The following NUP210 variants were observed in gnomAD, a reference collection of about 807,000 sequenced individuals.
NUP210 encodes the protein nuclear pore membrane glycoprotein 210.
In NUP210, 151 loss-of-function variants were observed where a neutral mutation model predicts 196.0. That is an observed-to-expected ratio of 0.77 (90% CI 0.67 to 0.88). The LOEUF is 0.88. Ranked by LOEUF, NUP210 falls within the 40% of genes least tolerant of loss-of-function variation. NUP210 has a pLI of 0.00. For missense variants in NUP210, 2,314 were observed against 2,493.7 expected, an observed-to-expected ratio of 0.93 and a Z score of 1.53; for synonymous variants, 1,070 against 1,052.7, an observed-to-expected ratio of 1.02 and a Z score of -0.32.
intron 13 of NUP210, among the ~76,000 whole-genome samples, chr3:13,369,772 T>C (rs748559204): frequency 1.3e-5 from 2 of 152,222 alleles, no homozygotes; most frequent in Non-Finnish European, 2.9e-5. Context: ...TGTAAGTCTG[T>C]CTATGCCAGC....
At chr3:13,339,724 G>T (rs916943919) in intron 25 of NUP210, 130 bp downstream of exon 25, 2 of 808,448 alleles carry the variant, frequency 2.5e-6, no homozygotes, top group East Asian at 5.1e-5. Flanking sequence ...GGCCCCTGCA[G>T]TGACTGCAGA....
intron 34 of NUP210, among the ~76,000 whole-genome samples, chr3:13,322,815 G>A (rs901580960): frequency 6.6e-6 from 1 of 152,220 alleles, no homozygotes; most frequent in African/African-American, 2.4e-5. Context: ...GGACGAGAAG[G>A]GCGGTGCTTC....
chr3:13,371,953 G>A lies in NUP210; in HGVS notation c.1667C>T (p.Pro556Leu). 2 of 1,604,656 alleles carry A rather than the reference G, an allele frequency of 1.2e-6. No individual in the cohort carries two copies. Among genetic ancestry groups the A allele is most frequent in the South Asian group, 1.1e-5 (1 of 89,262 alleles). The change falls in exon 13 of 40, where the codon CCC becomes CTC. Residue 556 changes from proline (P) to leucine (L), a missense_variant. By Grantham distance (98) the Pro-to-Leu change is moderately conservative. Transcript: ENST00000254508. ...EARVGQALEL[P>L]LRISGLMPGG... is the part of the protein sequence containing the mutation. ...GGGCATGAGGCCACTGATCCTCAGGGGCAGCTCCAGGGCCTGGCCCACACG... is the reference window on the plus strand; with the variant it reads ...GGGCATGAGGCCACTGATCCTCAGGAGCAGCTCCAGGGCCTGGCCCACACG...
chr3:13,379,892 C>G lies in NUP210; in HGVS notation c.818-171G>C, dbSNP rs1439669966. On this transcript the variant is annotated intron_variant, in intron 6 of 39. Coordinates refer to ENST00000254508, the MANE Select transcript of NUP210 (RefSeq NM_024923.4). The surrounding 1 kb of genome is among the most constrained non-coding windows in gnomAD (Gnocchi z 4.2). ...TTAAATGTTAATATTGTTCTGCATG[C>G]TGGTGGACAAAACTGACACTCCATG... Among the ~76,000 whole-genome samples the G allele has an allele frequency of 2.0e-5, 3 of 152,140 alleles. No individual in the cohort carries two copies. Among genetic ancestry groups the G allele is most frequent in the Non-Finnish European group, 4.4e-5 (3 of 68,028 alleles).
chr3:13,413,090 C>A (rs1576431401), intron 1 of NUP210, among the ~76,000 whole-genome samples: 1 of 152,070 alleles, frequency 6.6e-6, no homozygotes, highest in East Asian at 1.9e-4. Flanking sequence ...TATGGTGAAA[C>A]CCCGTCTCTA....
intron 32 of NUP210, 42 bp downstream of exon 32, chr3:13,327,175 G>A (rs372015943): frequency 2.8e-4 from 429 of 1,545,884 alleles, no homozygotes; most frequent in Middle Eastern, 8.5e-4. Flanking sequence ...CTTTGCAAGC[G>A]TCCGTGACTC....
chr3:13,350,991 C>A lies in NUP210; in HGVS notation c.2835+888G>T, dbSNP rs1046098622. Reference sequence around the variant, plus strand: ...GGGATTACAGGCATGAGCCACCGCACCCGGCCAGAAATTCTTAAATTGAAA... The same window carrying A: ...GGGATTACAGGCATGAGCCACCGCAACCGGCCAGAAATTCTTAAATTGAAA... On this transcript the variant is annotated intron_variant, in intron 20 of 39. Transcript: ENST00000254508. The surrounding 1 kb of genome is among the most constrained non-coding windows in gnomAD (Gnocchi z 4.1). Among the ~76,000 whole-genome samples, 1 of 152,108 alleles carries A rather than the reference C, an allele frequency of 6.6e-6. No individual in the cohort carries two copies. The highest frequency in any genetic ancestry group is 2.4e-5 in the African/African-American group (1 of 41,382).
At position 13,337,840 on chromosome 3, in the gene NUP210, G is replaced by A. The variant is rs946842347; in HGVS notation, c.3549C>T (p.Thr1183=). 4 of 1,609,838 alleles carry A rather than the reference G, an allele frequency of 2.5e-6. No homozygotes were observed. The highest frequency in any genetic ancestry group is 3.4e-6 in the Non-Finnish European group (4 of 1,179,132). The change falls in exon 26 of 40, where the codon ACC becomes ACT. Residue 1183 remains threonine (T), a synonymous_variant. Coordinates refer to ENST00000254508, the MANE Select transcript of NUP210 (RefSeq NM_024923.4). ...RAPIMRMRTG[T]QMPIYVTGIT... ...AGAGCCCAGGAGGTCCCCTCACCTGGGTGCCCGTCCTCATCCGCATGATGG... is the reference window on the plus strand; with the variant it reads ...AGAGCCCAGGAGGTCCCCTCACCTGAGTGCCCGTCCTCATCCGCATGATGG...
Position 13,339,952 on chromosome 3 carries a change from C to G in NUP210, c.3373G>C (p.Ala1125Pro). Residue 1125 changes from alanine to proline, a missense_variant, in exon 25 of 40, where the codon GCT becomes CCT. Physicochemically the swap from Ala to Pro is conservative, Grantham distance 27 (BLOSUM62 -1). Transcript: ENST00000254508. ...SNESVALVSA[A>P]GLVQGLAIGN... ...ATGGCGAGGCCCTGTACCAGCCCAG[C>G]AGCGCTCACCAGCGCAACGCTCTCA... 1 of 1,614,046 alleles carries G rather than the reference C, an allele frequency of 6.2e-7. No individual in the cohort carries two copies.
Position 13,340,199 on chromosome 3 carries a change from C to T in NUP210, c.3291+37G>A, listed in dbSNP as rs1305910410. The T allele has an allele frequency of 6.2e-7, 1 of 1,612,606 alleles. No homozygotes were observed. Among genetic ancestry groups the T allele is most frequent in the Non-Finnish European group, 8.5e-7 (1 of 1,179,470 alleles). On this transcript the variant is annotated intron_variant, in intron 24 of 39. Coordinates refer to ENST00000254508, the MANE Select transcript of NUP210 (RefSeq NM_024923.4). The surrounding 1 kb of genome is among the most constrained non-coding windows in gnomAD (Gnocchi z 4.0). ...GCCTGGAACCAGGTGGTGGCCTGCACTGGGGCTGGAGCAGGACGTGGCCTC... is the reference window on the plus strand; with the variant it reads ...GCCTGGAACCAGGTGGTGGCCTGCATTGGGGCTGGAGCAGGACGTGGCCTC...
intron 1 of NUP210, among the ~76,000 whole-genome samples, chr3:13,412,654 C>T (rs1700216253): frequency 6.6e-6 from 1 of 151,524 alleles, no homozygotes; most frequent in Non-Finnish European, 1.5e-5. Context: ...GCAGAGGTTG[C>T]TGTGAGCCAA....
Position 13,317,776 on chromosome 3 carries a change from C to T in NUP210, c.5569G>A (p.Ala1857Thr), listed in dbSNP as rs766905662. Residue 1857 changes from alanine (A) to threonine (T), a missense_variant, in exon 40 of 40, where the codon GCT becomes ACT. Transcript: ENST00000254508. ...TTGGGAGATGTGGGTGATGAGGCAG[C>T]GAAATCTAGGGTGGGAAGAGAGACG... Reference protein sequence around the residue: ...ASPGHSPHYFAASSPTSPNAL... With the variant: ...ASPGHSPHYFTASSPTSPNAL... The T allele has an allele frequency of 5.6e-6, 9 of 1,606,616 alleles. No individual in the cohort carries two copies. Among genetic ancestry groups the T allele is most frequent in the South Asian group, 5.6e-5 (5 of 89,642 alleles).
intron 6 of NUP210, among the ~76,000 whole-genome samples, chr3:13,385,001 G>A (rs918792635): frequency 6.6e-6 from 1 of 152,194 alleles, no homozygotes; most frequent in Non-Finnish European, 1.5e-5. Context: ...CTGCTGAAGG[G>A]CAGATGCTGC....
intron 1 of NUP210, among the ~76,000 whole-genome samples, chr3:13,419,377 C>T (rs1700456393): frequency 6.6e-6 from 1 of 152,172 alleles, no homozygotes; most frequent in East Asian, 1.9e-4. Flanking sequence ...TCATGGGTCC[C>T]TGTGGTTCCA....
chr3:13,319,270 C>T lies in NUP210; in HGVS notation c.5439G>A (p.Thr1813=), dbSNP rs777189608. Residue 1813 remains threonine (T), a synonymous_variant, in exon 38 of 40, where the codon ACG becomes ACA. Transcript: ENST00000254508. ...FLDSYQVMFF[T]LFALLAGTAV... ...CTGTCCCAGCCAACAGGGCGAAGAG[C>T]GTGAAGAACATGACCTGGTAGGAAT... 13 of 1,613,140 alleles carry T rather than the reference C, an allele frequency of 8.1e-6. No homozygotes were observed. The highest frequency in any genetic ancestry group is 2.2e-5 in the East Asian group (1 of 44,898).
rs1698827212 is a variant in NUP210, at chr3:13,374,243, C to T, written c.1432-370G>A. Among the ~76,000 whole-genome samples, 9 of 152,198 alleles carry T rather than the reference C, an allele frequency of 5.9e-5. 2 individuals are homozygous for T. Among genetic ancestry groups the T allele is most frequent in the Admixed American group, 5.9e-4 (9 of 15,278 alleles). ...ATGCTCACTTACATTTACCTTCACA[C>T]TCACGCTTTCACCCACTCACCATTC... On this transcript the variant is annotated intron_variant, in intron 11 of 39. Coordinates refer to ENST00000254508, the MANE Select transcript of NUP210 (RefSeq NM_024923.4).
At chr3:13,392,837 C>T (rs1699534826) in intron 3 of NUP210, among the ~76,000 whole-genome samples, 1 of 151,608 alleles carries the variant, frequency 6.6e-6, no homozygotes, top group African/African-American at 2.4e-5. Context: ...GGAGCCTGGG[C>T]TCCAATTCCA....
intron 31 of NUP210, 111 bp downstream of exon 31, chr3:13,328,660 G>C: frequency 9.5e-7 from 1 of 1,050,462 alleles, no homozygotes; most frequent in Non-Finnish European, 1.4e-6. Flanking sequence ...GGAAACTGAA[G>C]TAATACACAT....
Position 13,348,892 on chromosome 3 carries a change from AC to A in NUP210, c.2835+2986del. 1.0e-6 allele frequency: 1 copy of A among 985,402 alleles called. No homozygotes were observed. The highest frequency in any genetic ancestry group is 1.2e-6 in the Non-Finnish European group (1 of 829,918). The allele number at this position is 985,402 out of a possible 1,614,324, so 61.0% of individuals were successfully genotyped here. A position where few individuals can be genotyped will look rare whatever the true frequency, so the allele number is the denominator to read the frequency against. ...AACACCCCAAACACCAAACAAAAAA[AC>A]TGAATTAAAAAACTTATTAAACAGG... On this transcript the variant is annotated intron_variant, in intron 20 of 39. Coordinates refer to ENST00000254508, the MANE Select transcript of NUP210 (RefSeq NM_024923.4). The surrounding 1 kb of genome is among the most constrained non-coding windows in gnomAD (Gnocchi z 4.0).
Sources: allele counts gnomAD v4.1 joint callset (sites outside exome capture counted in the v4.1 genomes callset), GRCh38; gene constraint gnomAD v4.1.1; non-coding constraint Gnocchi (gnomAD v3.1); transcripts MANE v1.5; gene names NCBI Gene and HGNC (gene_info 2026-07-23, HGNC 2026-07-21).